CSMD1: variants seen among roughly 807,000 people sequenced by gnomAD.
CSMD1 encodes the protein CUB and Sushi multiple domains 1.
A neutral mutation model predicts 417.5 loss-of-function variants in CSMD1; 213 were observed. The ratio of observed to expected loss-of-function variants is 0.51; its 90% CI spans 0.46 to 0.57. The LOEUF (loss-of-function observed/expected upper bound fraction) is 0.57, where lower values mean the gene tolerates loss of function less well. Among genes scored for constraint, CSMD1 ranks in the 20% least tolerant of loss-of-function variants. The pLI, the probability that CSMD1 is intolerant of heterozygous loss-of-function variation, is 0.00. For synonymous variants in CSMD1, 2,862 were observed against 1,736.8 expected (o/e 1.65, Z -16.11); for missense variants, 6,923 against 4,529.7 (o/e 1.53, Z -15.17).
intron 26 of CSMD1, among the ~76,000 whole-genome samples, chr8:3,253,893 A>C (rs183644690): frequency 2.4e-4 from 37 of 152,240 alleles, no homozygotes; most frequent in African/African-American, 7.9e-4. Context: ...TTATATTGTT[A>C]TGTGTGAATT....
intron 3 of CSMD1, among the ~76,000 whole-genome samples, chr8:4,398,256 T>C (rs1804393606): frequency 6.6e-6 from 1 of 152,176 alleles, no homozygotes; most frequent in Non-Finnish European, 1.5e-5. Context: ...TGTTGTAATA[T>C]TGTGGTGTGG....
chr8:4,184,028 G>A (rs915729492), intron 3 of CSMD1, among the ~76,000 whole-genome samples: 8 of 152,174 alleles, frequency 5.3e-5, no homozygotes, highest in Non-Finnish European at 8.8e-5. Context: ...AATGTTTGCT[G>A]ATAATGATGG....
At chr8:3,708,550 T>G in intron 6 of CSMD1, 59 bp from the exon 7 acceptor site, 1 of 1,432,518 alleles carries the variant, frequency 7.0e-7, no homozygotes, top group East Asian at 2.3e-5. Context: ...AAAACCATGT[T>G]GTATCCACAC....
At chr8:3,265,705 G>A (rs984392524) in intron 26 of CSMD1, among the ~76,000 whole-genome samples, 2 of 152,078 alleles carry the variant, frequency 1.3e-5, no homozygotes, top group African/African-American at 2.4e-5. Context: ...ATCTGAAGAG[G>A]TTTTTTTCTC....
In CSMD1 at chr8:3,343,435, C is replaced by G. The variant is rs1220130041; in HGVS notation, c.3490G>C (p.Asp1164His). The stretch of plus-strand genomic sequence containing the variant: ...GTGCCCAGTGGACGTGAGGAACTGT[C>G]TTTTCCATCATATACCTGATGAAAA... ...GDTLKVYDGK[D>H]SSSRPLGTFT... The change falls in exon 23 of 70, where the codon GAC (aspartate) becomes CAC (histidine). Residue 1164 changes from aspartate to histidine, a missense_variant. Physicochemically the swap from Asp to His is moderately conservative, Grantham distance 81. Coordinates refer to ENST00000635120, the MANE Select transcript of CSMD1 (RefSeq NM_033225.6). 7 of 1,613,522 alleles carry G rather than the reference C, an allele frequency of 4.3e-6. No homozygotes were observed. In the East Asian group the frequency reaches 1.3e-4, roughly 31 times the overall value.
At chr8:4,154,368 T>C (rs184309896) in intron 3 of CSMD1, among the ~76,000 whole-genome samples, 1 of 152,336 alleles carries the variant, frequency 6.6e-6, no homozygotes, top group East Asian at 1.9e-4. Flanking sequence ...GTCCATGTTT[T>C]GTGACATATA....
At position 3,387,526 on chromosome 8, in the gene CSMD1, T is replaced by G; in HGVS notation, c.2750A>C (p.His917Pro). Residue 917 changes from histidine to proline, a missense_variant, in exon 18 of 70, where the codon CAC becomes CCC. Transcript: ENST00000635120. ...GCTGGGCAAGGCGTGGTTCCACTGG[T>G]GGTTCCTCTCACAGACGAGGGGCTC... ...DDEPLVCERN[H>P]QWNHALPSCD... The G allele has an allele frequency of 6.2e-7, 1 of 1,602,340 alleles. No individual in the cohort carries two copies. The highest frequency in any genetic ancestry group is 8.5e-7 in the Non-Finnish European group (1 of 1,174,464).
At chr8:3,459,506 G>A (rs566368939) in intron 12 of CSMD1, among the ~76,000 whole-genome samples, 16 of 152,226 alleles carry the variant, frequency 1.1e-4, no homozygotes, top group East Asian at 9.7e-4. Context: ...TGCGGCAGTC[G>A]GAGACACGGA....
At chr8:3,502,043 T>C (rs1041337932) in intron 10 of CSMD1, among the ~76,000 whole-genome samples, 2 of 152,140 alleles carry the variant, frequency 1.3e-5, no homozygotes, top group Non-Finnish European at 2.9e-5. Flanking sequence ...TATATGCTTA[T>C]CAAATAATGA....
intron 1 of CSMD1, among the ~76,000 whole-genome samples, chr8:4,789,598 T>C (rs1033163579): frequency 1.3e-5 from 2 of 152,142 alleles, no homozygotes; most frequent in African/African-American, 4.8e-5. Flanking sequence ...GAATAAACTG[T>C]TTTTCTCACT....
At chr8:3,830,970 T>A (rs951988644) in intron 5 of CSMD1, among the ~76,000 whole-genome samples, 2 of 152,154 alleles carry the variant, frequency 1.3e-5, no homozygotes, top group African/African-American at 2.4e-5. Flanking sequence ...CTAGGACGAT[T>A]AACACATGGT....
chr8:4,823,755 G>A (rs536132756), intron 1 of CSMD1, among the ~76,000 whole-genome samples: 11 of 152,036 alleles, frequency 7.2e-5, no homozygotes, highest in African/African-American at 2.4e-4. Flanking sequence ...AACTTAGCCA[G>A]TGTGGTGGTG....
At chr8:4,019,621 C>T (rs918025462) in intron 4 of CSMD1, among the ~76,000 whole-genome samples, 1 of 152,114 alleles carries the variant, frequency 6.6e-6, no homozygotes, top group African/African-American at 2.4e-5. Flanking sequence ...CAAGTGATTT[C>T]CTTGAAATGC....
At position 3,408,190 on chromosome 8, in the gene CSMD1, T is replaced by C. The variant is rs1441675123; in HGVS notation, c.1780A>G (p.Ile594Val). 6.2e-7 allele frequency: 1 copy of C among 1,609,940 alleles called. No individual in the cohort carries two copies. The highest frequency in any genetic ancestry group is 1.3e-5 in the African/African-American group (1 of 74,784). The change falls in exon 14 of 70, where the codon ATT becomes GTT. Residue 594 changes from isoleucine (I) to valine (V), a missense_variant. Ile to Val is a conservative substitution (Grantham distance 29). Transcript: ENST00000635120. The part of the protein sequence containing the change: ...CFFNFTASSG[I>V]ILSPNYPEEY... ...TCTGGATAATTTGGTGACAGAATAATCCCAGATGATGCCGTAAAGTTGAAG... is the reference window on the plus strand; with the variant it reads ...TCTGGATAATTTGGTGACAGAATAACCCCAGATGATGCCGTAAAGTTGAAG...
At chr8:3,540,882 G>A (rs930971045) in intron 10 of CSMD1, among the ~76,000 whole-genome samples, 1 of 152,180 alleles carries the variant, frequency 6.6e-6, no homozygotes, top group Non-Finnish European at 1.5e-5. Flanking sequence ...AGAAACAACA[G>A]ATGCCGGCGA....
chr8:4,411,890 C>A (rs1288514700), intron 3 of CSMD1, among the ~76,000 whole-genome samples: 1 of 152,002 alleles, frequency 6.6e-6, no homozygotes, highest in Non-Finnish European at 1.5e-5. Context: ...GTACCATGCA[C>A]ATCTTCTGAG....
At chr8:4,188,121 G>C (rs776236566) in intron 3 of CSMD1, among the ~76,000 whole-genome samples, 57 of 152,150 alleles carry the variant, frequency 3.7e-4, no homozygotes, top group Admixed American at 1.2e-3. Context: ...TAAAAACATA[G>C]GTTTTAAGGT....
intron 5 of CSMD1, among the ~76,000 whole-genome samples, chr8:3,855,427 CAAA>C (rs370400670): frequency 6.6e-6 from 1 of 151,940 alleles, no homozygotes; most frequent in African/African-American, 2.4e-5. Context: ...CTATAAAAAA[CAAA>C]AAAGTTTAAA....
At chr8:4,978,966 A>G (rs532500870) in intron 1 of CSMD1, among the ~76,000 whole-genome samples, 6 of 152,330 alleles carry the variant, frequency 3.9e-5, no homozygotes, top group Admixed American at 1.3e-4. Context: ...ATCTTTAGAA[A>G]AAATAACTCT....
Sources: allele counts gnomAD v4.1 joint callset (sites outside exome capture counted in the v4.1 genomes callset), GRCh38; gene constraint gnomAD v4.1.1; transcripts MANE v1.5; gene names NCBI Gene and HGNC (gene_info 2026-07-23, HGNC 2026-07-21).